The following CDC73 variants were observed in gnomAD, a reference collection of about 807,000 sequenced individuals.
CDC73 encodes the protein parafibromin.
Under a neutral mutation model 83.7 loss-of-function variants are expected in CDC73, and 21 were observed. That is an observed-to-expected ratio of 0.25 (90% confidence interval 0.18 to 0.36). The LOEUF is 0.36. CDC73 is among the 10% of genes least tolerant of loss of function. The probability of loss-of-function intolerance (pLI) is 1.00; values close to 1 mark genes in which losing one functional copy is unlikely to be tolerated. For synonymous variants in CDC73, 224 were observed against 212.9 expected (o/e 1.05, Z -0.45); for missense variants, 342 against 653.3 (o/e 0.52, Z 5.19).
chr1:193,172,458 A>AG (rs370810434), intron 10 of CDC73, among the ~76,000 whole-genome samples: 1 of 152,244 alleles, frequency 6.6e-6, no homozygotes, highest in African/African-American at 2.4e-5. Context: ...AGAGAGAATT[A>AG]GTGAGCCAAC....
chr1:193,220,436 CT>C (rs1191087619), intron 13 of CDC73, among the ~76,000 whole-genome samples: 6 of 152,056 alleles, frequency 3.9e-5, no homozygotes, highest in African/African-American at 1.2e-4. Flanking sequence ...ACATGAGCCA[CT>C]GTGCCTGGCC....
Position 193,157,009 on chromosome 1 carries a change from A to G in CDC73, c.972+4565A>G, listed in dbSNP as rs988830096. On this transcript the variant is annotated intron_variant, in intron 10 of 16. Transcript: ENST00000367435. Reference sequence around the variant, plus strand: ...AGTGTTAAAGGTACGTTGTGCAACAAGAGCCTAAAATTGGGGGATTTGTTG... The same window carrying G: ...AGTGTTAAAGGTACGTTGTGCAACAGGAGCCTAAAATTGGGGGATTTGTTG... Among the ~76,000 whole-genome samples the G allele has an allele frequency of 2.0e-5, 3 of 152,228 alleles. No individual in the cohort carries two copies. The East Asian group carries it at 5.8e-4, about 29-fold the overall frequency.
rs371470559 is a variant in CDC73 at position 193,152,355 on chromosome 1, A to G, written c.908-25A>G. On this transcript the variant is annotated intron_variant, in intron 9 of 16. Coordinates refer to ENST00000367435, the MANE Select transcript of CDC73 (RefSeq NM_024529.5). ...AAGATACATGATCTATAAAATCTTA[A>G]CAATAAGCCTCTTTTTTTTCGTAGA... 556 of 1,534,870 alleles carry G rather than the reference A, an allele frequency of 3.6e-4. 12 individuals carry two copies. In the South Asian group the frequency reaches 4.3e-3, roughly 12 times the overall value.
chr1:193,184,446 G>C (rs1159567103), intron 10 of CDC73, among the ~76,000 whole-genome samples: 1 of 151,878 alleles, frequency 6.6e-6, no homozygotes, highest in East Asian at 1.9e-4. Context: ...ATTTTTAGAA[G>C]AGAAATAGCT....
chr1:193,227,923 C>T (rs543194248), intron 13 of CDC73, among the ~76,000 whole-genome samples: 13 of 152,148 alleles, frequency 8.5e-5, no homozygotes, highest in Non-Finnish European at 1.9e-4. Flanking sequence ...ATTTTGCCCT[C>T]TTTAACATCC....
chr1:193,248,297 C>G (rs185044492), intron 15 of CDC73, among the ~76,000 whole-genome samples: 297 of 152,152 alleles, frequency 2.0e-3, no homozygotes, highest in African/African-American at 6.9e-3. Flanking sequence ...TATTTTAAGG[C>G]CACTGTTGAG....
In CDC73 at chr1:193,203,996, C is replaced by G. The variant is rs910666069; in HGVS notation, c.1030+144C>G. 4.3e-6 allele frequency: 3 copies of G among 700,568 alleles called. No individual in the cohort carries two copies. In the Admixed American group the frequency reaches 7.0e-5, roughly 16 times the overall value. 43.4% of individuals were successfully genotyped at this position (700,568 alleles called of 1,614,324 possible). On this transcript the variant is annotated intron_variant, in intron 11 of 16. Coordinates refer to ENST00000367435, the MANE Select transcript of CDC73 (RefSeq NM_024529.5). ...CATGTTTCTTTGAAGACTGTCGATA[C>G]TGTTTAAGCAGATCTCAAAACTGTG...
chr1:193,233,787 T>A (rs556937408), intron 14 of CDC73, among the ~76,000 whole-genome samples: 2 of 152,192 alleles, frequency 1.3e-5, no homozygotes, highest in Non-Finnish European at 2.9e-5. Flanking sequence ...TAGGAATAGC[T>A]CTTTTATCAT....
chr1:193,125,263 TTTTA>T (rs778843213), intron 2 of CDC73, 46 bp downstream of exon 2: 3 of 1,166,302 alleles, frequency 2.6e-6, no homozygotes, highest in South Asian at 2.5e-5. Flanking sequence ...TCAGTTTTAT[TTTTA>T]TTTATTTAAG....
intron 1 of CDC73, among the ~76,000 whole-genome samples, chr1:193,122,978 G>A (rs1201723264): frequency 1.3e-5 from 2 of 152,166 alleles, no homozygotes; most frequent in African/African-American, 4.8e-5. Context: ...TTTTTCGGAA[G>A]TGTATTTTAA....
intron 10 of CDC73, among the ~76,000 whole-genome samples, chr1:193,174,032 A>T (rs1676563339): frequency 6.6e-6 from 1 of 152,192 alleles, no homozygotes; most frequent in Admixed American, 6.5e-5. Context: ...TTTCATTAAG[A>T]GATTAATGAA....
intron 10 of CDC73, among the ~76,000 whole-genome samples, chr1:193,193,535 T>A (rs1275177242): frequency 6.6e-6 from 1 of 152,172 alleles, no homozygotes; most frequent in African/African-American, 2.4e-5. Flanking sequence ...CCATTTTAAA[T>A]AAGATGTGGT....
chr1:193,207,948 T>C (rs181672527), intron 11 of CDC73, among the ~76,000 whole-genome samples: 1 of 152,326 alleles, frequency 6.6e-6, no homozygotes, highest in African/African-American at 2.4e-5. Flanking sequence ...AAATTTGTTA[T>C]CTCCAATTCA....
chr1:193,179,640 T>G (rs1352274574), intron 10 of CDC73: 1 of 152,524 alleles, frequency 6.6e-6, no homozygotes, highest in Non-Finnish European at 1.5e-5. Context: ...TTTTACCACG[T>G]CATGTCAAAA....
At position 193,252,403 on chromosome 1, in the gene CDC73, A is replaced by C. The variant is rs1678057957; in HGVS notation, c.*1691A>C. ...AGAATCTGTAATATTTTTATGTAAGATTACTTGTCAAGACTACTACAAGTC... is the reference window on the plus strand; with the variant it reads ...AGAATCTGTAATATTTTTATGTAAGCTTACTTGTCAAGACTACTACAAGTC... On this transcript the variant is annotated 3_prime_UTR_variant, in exon 17 of 17. Transcript: ENST00000367435. The C allele has an allele frequency of 4.3e-6, 1 of 229,914 alleles. No individual in the cohort carries two copies. Among genetic ancestry groups the C allele is most frequent in the Non-Finnish European group, 8.6e-6 (1 of 116,032 alleles). 14.2% of individuals were successfully genotyped at this position (229,914 alleles called of 1,614,324 possible).
Position 193,254,608 on chromosome 1 carries a change from A to T in CDC73, c.*3896A>T, listed in dbSNP as rs1678101238. Among the ~76,000 whole-genome samples the T allele has an allele frequency of 1.3e-5, 2 of 152,128 alleles. No individual in the cohort carries two copies. The highest frequency in any genetic ancestry group is 4.8e-5 in the African/African-American group (2 of 41,432). On this transcript the variant is annotated 3_prime_UTR_variant, in exon 17 of 17. Transcript: ENST00000367435. ...AGGAAAAATTGAAAATGTATAATAG[A>T]TGTATAAAGATTTATATTTAGTTAG...
At chr1:193,143,360 A>T (rs1675939261) in intron 7 of CDC73, among the ~76,000 whole-genome samples, 1 of 152,196 alleles carries the variant, frequency 6.6e-6, no homozygotes, top group Non-Finnish European at 1.5e-5. Context: ...TTGATCCACC[A>T]GTGTTCATTA....
At chr1:193,180,846 T>C (rs1402520919) in intron 10 of CDC73, 4 of 1,613,922 alleles carry the variant, frequency 2.5e-6, no homozygotes, top group Admixed American at 1.7e-5. Context: ...GACAGTATGT[T>C]GCAACCCAGT....
At chr1:193,236,167 T>C (rs1349620065) in intron 14 of CDC73, 89 bp from the exon 15 acceptor site, 2 of 824,820 alleles carry the variant, frequency 2.4e-6, no homozygotes, top group Admixed American at 1.7e-5. Context: ...ATGGGACTGT[T>C]GCCTAAGGGA....
Sources: gnomAD v4.1 joint callset for allele counts (sites outside exome capture counted in the v4.1 genomes callset) on GRCh38, gnomAD v4.1.1 for gene constraint, MANE v1.5 for transcripts, NCBI Gene and HGNC (gene_info 2026-07-23, HGNC 2026-07-21) for gene names.